Variants in ARHGAP18 observed in about 807,000 individuals in gnomAD.
ARHGAP18 encodes the protein Rho GTPase activating protein 18.
ARHGAP18 carries 67 observed loss-of-function variants against 86.2 expected under a neutral mutation model. The ratio of observed to expected loss-of-function variants is 0.78; its 90% CI spans 0.64 to 0.95. The LOEUF (loss-of-function observed/expected upper bound fraction) is 0.95, where lower values mean the gene tolerates loss of function less well. Among genes scored for constraint, ARHGAP18 ranks in the 40% least tolerant of loss-of-function variants. ARHGAP18 has a pLI of 0.00. For synonymous variants in ARHGAP18, 283 were observed against 280.4 expected (o/e 1.01, Z -0.09); for missense variants, 691 against 780.4 (o/e 0.89, Z 1.37).
intron 1 of ARHGAP18, among the ~76,000 whole-genome samples, chr6:129,675,715 G>A (rs1231522063): frequency 6.6e-6 from 1 of 152,106 alleles, no homozygotes; most frequent in African/African-American, 2.4e-5. Flanking sequence ...TATCTCAGAG[G>A]GAATAAGAAA....
intron 1 of ARHGAP18, among the ~76,000 whole-genome samples, chr6:129,687,139 G>A (rs763507496): frequency 1.4e-4 from 21 of 151,798 alleles, no homozygotes; most frequent in Non-Finnish European, 2.5e-4. Context: ...ACCATTCTTT[G>A]CAAGCACAGT....
chr6:129,679,507 C>G (rs763958715), intron 1 of ARHGAP18, among the ~76,000 whole-genome samples: 8 of 152,196 alleles, frequency 5.3e-5, no homozygotes, highest in Admixed American at 2.0e-4. Context: ...CAATTATACA[C>G]AAGCCAAACA....
intron 1 of ARHGAP18, among the ~76,000 whole-genome samples, chr6:129,687,685 C>T (rs1774452956): frequency 6.6e-6 from 1 of 152,256 alleles, no homozygotes; most frequent in African/African-American, 2.4e-5. Context: ...TCTCTCATCA[C>T]AATATCTCTA....
At chr6:129,633,418 G>A (rs1773259991) in intron 4 of ARHGAP18, among the ~76,000 whole-genome samples, 1 of 136,508 alleles carries the variant, frequency 7.3e-6, no homozygotes, top group East Asian at 2.1e-4. Flanking sequence ...CTGGGAGACA[G>A]AGCAAGACTC....
intron 6 of ARHGAP18, among the ~76,000 whole-genome samples, chr6:129,618,421 TGAGTTAA>T (rs537526722): frequency 5.4e-4 from 83 of 152,348 alleles, no homozygotes; most frequent in South Asian, 1.9e-3. Flanking sequence ...AGAAAGCAAA[TGAGTTAA>T]GAGTCCTTGC....
At chr6:129,630,796 T>A (rs916049937) in intron 4 of ARHGAP18, among the ~76,000 whole-genome samples, 3 of 152,138 alleles carry the variant, frequency 2.0e-5, no homozygotes, top group Admixed American at 6.5e-5. Context: ...TGCTGTTACA[T>A]CCTGAAATGT....
intron 14 of ARHGAP18, among the ~76,000 whole-genome samples, chr6:129,579,786 G>A (rs1208476450): frequency 6.6e-6 from 1 of 152,100 alleles, no homozygotes; most frequent in Admixed American, 6.5e-5. Flanking sequence ...ACAAAGAAGA[G>A]AGTTTTGAAA....
chr6:129,583,476 G>C (rs989163131), intron 13 of ARHGAP18, among the ~76,000 whole-genome samples: 1 of 152,124 alleles, frequency 6.6e-6, no homozygotes, highest in African/African-American at 2.4e-5. Context: ...AGGATGGTAT[G>C]TTCTCCCCTT....
chr6:129,633,882 CTA>C (rs1562702714), intron 4 of ARHGAP18, among the ~76,000 whole-genome samples, 158 bp downstream of exon 4: 1 of 152,056 alleles, frequency 6.6e-6, no homozygotes, highest in African/African-American at 2.4e-5. Flanking sequence ...TGAAGGCCAG[CTA>C]TATGCTCAGC....
At chr6:129,655,775 A>G (rs1453111572) in intron 1 of ARHGAP18, among the ~76,000 whole-genome samples, 1 of 152,220 alleles carries the variant, frequency 6.6e-6, no homozygotes, top group East Asian at 1.9e-4. Flanking sequence ...GAGAAATGCT[A>G]ATTTCTTAAT....
At chr6:129,588,783 C>T (rs907202842) in intron 12 of ARHGAP18, among the ~76,000 whole-genome samples, 2 of 152,372 alleles carry the variant, frequency 1.3e-5, no homozygotes, top group South Asian at 2.1e-4. Flanking sequence ...GCAAATTTTG[C>T]CTGGACATCC....
At chr6:129,655,317 C>CAAAAAAAA (rs55681217) in intron 1 of ARHGAP18, among the ~76,000 whole-genome samples, 1 of 75,076 alleles carries the variant, frequency 1.3e-5, no homozygotes, top group Non-Finnish European at 2.6e-5. Context: ...AAAACTCTCT[C>CAAAAAAAA]AAAAAAAAAA....
intron 13 of ARHGAP18, among the ~76,000 whole-genome samples, chr6:129,581,402 T>C (rs1788286485): frequency 6.6e-6 from 1 of 152,184 alleles, no homozygotes; most frequent in African/African-American, 2.4e-5. Context: ...AATTAAATAA[T>C]TTAATCATTA....
chr6:129,680,230 C>T (rs755546900), intron 1 of ARHGAP18, among the ~76,000 whole-genome samples: 4 of 152,080 alleles, frequency 2.6e-5, no homozygotes, highest in Admixed American at 6.5e-5. Context: ...CATACCTACA[C>T]AGAAAGCCTA....
At chr6:129,648,781 G>A (rs1021370978) in intron 1 of ARHGAP18, among the ~76,000 whole-genome samples, 1 of 150,054 alleles carries the variant, frequency 6.7e-6, no homozygotes, top group Non-Finnish European at 1.5e-5. Flanking sequence ...TTTCATTTCA[G>A]CAGCGATATT....
chr6:129,622,255 A>T (rs1786583355), intron 5 of ARHGAP18, among the ~76,000 whole-genome samples: 1 of 152,074 alleles, frequency 6.6e-6, no homozygotes, highest in African/African-American at 2.4e-5. Flanking sequence ...ATCACACAAA[A>T]CTGGTCACAT....
intron 5 of ARHGAP18, among the ~76,000 whole-genome samples, chr6:129,623,377 T>C (rs1789272889): frequency 6.6e-6 from 1 of 152,176 alleles, no homozygotes; most frequent in Non-Finnish European, 1.5e-5. Context: ...TTCTGAGATA[T>C]AACATGTATA....
At chr6:129,648,331 C>T (rs1476984152) in intron 1 of ARHGAP18, among the ~76,000 whole-genome samples, 3 of 151,904 alleles carry the variant, frequency 2.0e-5, no homozygotes, top group Non-Finnish European at 2.9e-5. Flanking sequence ...ACCACTTCAC[C>T]TGGCTAACTT....
At chr6:129,599,520 A>G (rs1227512110) in intron 11 of ARHGAP18, among the ~76,000 whole-genome samples, 164 bp from the exon 12 acceptor site, 1 of 152,180 alleles carries the variant, frequency 6.6e-6, no homozygotes, top group East Asian at 1.9e-4. Flanking sequence ...TGAAAAGAAA[A>G]TACTTCATAT....
Sources: allele counts gnomAD v4.1 joint callset (sites outside exome capture counted in the v4.1 genomes callset), GRCh38; gene constraint gnomAD v4.1.1; transcripts MANE v1.5; gene names NCBI Gene and HGNC (gene_info 2026-07-23, HGNC 2026-07-21).